Variants in SOX5 observed in about 807,000 individuals in gnomAD.
SOX5 encodes the protein SRY-box transcription factor 5.
SOX5 carries 9 observed loss-of-function variants against 92.0 expected under a neutral mutation model. The observed-to-expected ratio is 0.10, with a 90% CI of 0.06 to 0.17. SOX5 has a LOEUF of 0.17. Ranked by LOEUF, SOX5 falls within the 10% of genes least tolerant of loss-of-function variation. The pLI is 1.00. For synonymous variants in SOX5, 344 were observed against 336.3 expected (o/e 1.02, Z -0.25); for missense variants, 642 against 944.5 (o/e 0.68, Z 4.20).
chr12:23,536,231 T>A (rs1487954669), intron 14 of SOX5, among the ~76,000 whole-genome samples: 3 of 152,210 alleles, frequency 2.0e-5, no homozygotes, highest in East Asian at 1.9e-4. Flanking sequence ...ATCTTGTTTT[T>A]AAACCAGTTG....
intron 1 of SOX5, among the ~76,000 whole-genome samples, chr12:24,411,416 C>G (rs1315494546): frequency 6.6e-6 from 1 of 152,092 alleles, no homozygotes; most frequent in Non-Finnish European, 1.5e-5. Context: ...ACACTCATGT[C>G]TTTCATCAAG....
At chr12:24,276,647 G>A (rs1435166804) in intron 3 of SOX5, among the ~76,000 whole-genome samples, 1 of 152,108 alleles carries the variant, frequency 6.6e-6, no homozygotes, top group Non-Finnish European at 1.5e-5. Flanking sequence ...GTTCCCAAGA[G>A]TATAACATTT....
intron 4 of SOX5, among the ~76,000 whole-genome samples, chr12:24,007,803 A>G (rs866266646): frequency 1.1e-5 from 1 of 92,264 alleles, no homozygotes; most frequent in African/African-American, 3.5e-5. Context: ...GCACACACAC[A>G]CACACACACA....
At chr12:24,193,934 C>T (rs748762865) in intron 4 of SOX5, among the ~76,000 whole-genome samples, 11 of 152,064 alleles carry the variant, frequency 7.2e-5, no homozygotes, top group Middle Eastern at 3.4e-3. Context: ...TTTCAGCTGT[C>T]CTTGATTGAA....
chr12:23,801,232 T>C (rs947524607), intron 3 of SOX5, among the ~76,000 whole-genome samples: 1 of 152,132 alleles, frequency 6.6e-6, no homozygotes, highest in Non-Finnish European at 1.5e-5. Context: ...CTGTTTTAAT[T>C]ATGAAACATT....
intron 4 of SOX5, among the ~76,000 whole-genome samples, chr12:24,085,986 A>G (rs117636174): frequency 2.4e-3 from 364 of 152,118 alleles, no homozygotes; most frequent in Admixed American, 3.9e-3. Flanking sequence ...TTGAAATTAC[A>G]CTACAAATAT....
At chr12:24,101,154 T>G (rs1194832176) in intron 4 of SOX5, among the ~76,000 whole-genome samples, 1 of 152,144 alleles carries the variant, frequency 6.6e-6, no homozygotes, top group Non-Finnish European at 1.5e-5. Flanking sequence ...GAAGGAAAAC[T>G]AAACTTCAAA....
chr12:24,093,025 G>A (rs1944847909), intron 4 of SOX5, among the ~76,000 whole-genome samples: 1 of 151,900 alleles, frequency 6.6e-6, no homozygotes, highest in Admixed American at 6.6e-5. Flanking sequence ...AAAATCATGA[G>A]CTAAATAAAA....
chr12:24,381,257 T>A (rs944380326), intron 1 of SOX5, among the ~76,000 whole-genome samples: 1 of 152,266 alleles, frequency 6.6e-6, no homozygotes, highest in African/African-American at 2.4e-5. Context: ...GAAACAAGTA[T>A]AATTAAATAT....
intron 1 of SOX5, among the ~76,000 whole-genome samples, chr12:24,448,873 T>A (rs141066295): frequency 3.0e-4 from 46 of 152,180 alleles, no homozygotes; most frequent in African/African-American, 1.1e-3. Flanking sequence ...TAACAGGCAT[T>A]TCCATCTTAA....
chr12:24,472,315 T>A (rs930863139), intron 1 of SOX5, among the ~76,000 whole-genome samples: 1 of 152,202 alleles, frequency 6.6e-6, no homozygotes, highest in Non-Finnish European at 1.5e-5. Context: ...GACCTGTAAC[T>A]ACCTATCCTT....
chr12:24,484,824 A>G (rs1264455465), intron 1 of SOX5, among the ~76,000 whole-genome samples: 1 of 152,232 alleles, frequency 6.6e-6, no homozygotes, highest in African/African-American at 2.4e-5. Context: ...CCTGTTTTGC[A>G]TAAAGTTGAA....
At chr12:24,546,530 C>A (rs1229398595) in intron 1 of SOX5, among the ~76,000 whole-genome samples, 1 of 152,180 alleles carries the variant, frequency 6.6e-6, no homozygotes, top group Non-Finnish European at 1.5e-5. Context: ...TCCAAGAACA[C>A]AACATGCTAT....
chr12:24,549,033 A>C (rs1263420304), intron 1 of SOX5, among the ~76,000 whole-genome samples: 1 of 152,074 alleles, frequency 6.6e-6, no homozygotes, highest in Non-Finnish European at 1.5e-5. Context: ...TTCTAAGAAC[A>C]CACTCTTTTC....
At chr12:23,671,646 A>C (rs564599773) in intron 6 of SOX5, among the ~76,000 whole-genome samples, 14 of 152,310 alleles carry the variant, frequency 9.2e-5, no homozygotes, top group African/African-American at 3.4e-4. Flanking sequence ...TTGTCAGTTT[A>C]TCCTACTCAA....
chr12:23,756,358 C>G (rs773455326), intron 3 of SOX5, among the ~76,000 whole-genome samples: 1 of 151,856 alleles, frequency 6.6e-6, no homozygotes, highest in Non-Finnish European at 1.5e-5. Flanking sequence ...TTGTATCACA[C>G]TCTTTTAAAA....
At chr12:24,335,182 C>G (rs1447950026) in intron 2 of SOX5, among the ~76,000 whole-genome samples, 1 of 152,104 alleles carries the variant, frequency 6.6e-6, no homozygotes, top group African/African-American at 2.4e-5. Context: ...TCTCTTTCAC[C>G]TCTAGGTTCT....
At chr12:24,415,123 T>C (rs1488495487) in intron 1 of SOX5, among the ~76,000 whole-genome samples, 2 of 152,236 alleles carry the variant, frequency 1.3e-5, no homozygotes, top group African/African-American at 2.4e-5. Context: ...GAAAAGGCTT[T>C]GTGGTTTTTA....
At chr12:23,991,749 G>GTT (rs34581177) in intron 4 of SOX5, among the ~76,000 whole-genome samples, 18 of 144,350 alleles carry the variant, frequency 1.2e-4, no homozygotes, top group South Asian at 4.4e-4. Flanking sequence ...AATACAGGAG[G>GTT]TTTTTTTTTT....
Sources: gnomAD v4.1 joint callset for allele counts (sites outside exome capture counted in the v4.1 genomes callset) on GRCh38, gnomAD v4.1.1 for gene constraint, MANE v1.5 for transcripts, NCBI Gene and HGNC (gene_info 2026-07-23, HGNC 2026-07-21) for gene names.